Variants in GRIA4 observed in about 807,000 individuals in gnomAD.
The protein encoded by GRIA4 is glutamate ionotropic receptor AMPA type subunit 4.
GRIA4 carries 34 observed loss-of-function variants against 104.0 expected under a neutral mutation model. The observed-to-expected ratio is 0.33, with a 90% CI of 0.25 to 0.44. The LOEUF is 0.44. GRIA4 is among the 20% of genes least tolerant of loss of function. The probability of loss-of-function intolerance (pLI) is 1.00; values close to 1 mark genes in which losing one functional copy is unlikely to be tolerated. For missense variants in GRIA4, 750 were observed against 1,096.5 expected, an observed-to-expected ratio of 0.68 and a Z score of 4.46; for synonymous variants, 386 against 381.9, an observed-to-expected ratio of 1.01 and a Z score of -0.13.
intron 3 of GRIA4, among the ~76,000 whole-genome samples, chr11:105,703,831 A>C (rs182775541): frequency 6.6e-6 from 1 of 152,030 alleles, no homozygotes; most frequent in East Asian, 1.9e-4. Context: ...GTTCTTATAA[A>C]TTTTTATAGA....
At chr11:105,762,650 C>T (rs767114650) in intron 4 of GRIA4, among the ~76,000 whole-genome samples, 1 of 152,154 alleles carries the variant, frequency 6.6e-6, no homozygotes, top group Non-Finnish European at 1.5e-5. Context: ...TGGTTTGAAT[C>T]ATGGGGATGG....
intron 4 of GRIA4, among the ~76,000 whole-genome samples, chr11:105,851,434 T>C (rs1944805253): frequency 6.6e-6 from 1 of 152,206 alleles, no homozygotes. Context: ...ATAGGACTTA[T>C]TTAATAAATG....
chr11:105,819,747 G>A (rs1943510375), intron 4 of GRIA4, among the ~76,000 whole-genome samples: 1 of 151,856 alleles, frequency 6.6e-6, no homozygotes, highest in Admixed American at 6.6e-5. Flanking sequence ...GAAATAAATA[G>A]GTATTACTAT....
intron 3 of GRIA4, among the ~76,000 whole-genome samples, chr11:105,622,734 A>G (rs1478642376): frequency 6.6e-6 from 1 of 151,734 alleles, no homozygotes; most frequent in African/African-American, 2.4e-5. Context: ...ATTTTGTTAC[A>G]TGTATAGATT....
chr11:105,861,017 G>A (rs891116684), intron 4 of GRIA4, among the ~76,000 whole-genome samples: 1 of 151,436 alleles, frequency 6.6e-6, no homozygotes, highest in Admixed American at 6.6e-5. Flanking sequence ...GACAATATTG[G>A]CCTGAAGATA....
At chr11:105,793,774 T>C (rs1465643503) in intron 4 of GRIA4, among the ~76,000 whole-genome samples, 2 of 152,124 alleles carry the variant, frequency 1.3e-5, no homozygotes, top group Non-Finnish European at 1.5e-5. Context: ...ATGTCACTCT[T>C]GCCAACTGTC....
chr11:105,862,710 T>G (rs1460776312), intron 5 of GRIA4: 1 of 152,818 alleles, frequency 6.5e-6, no homozygotes, highest in African/African-American at 2.4e-5. Context: ...TTCTGCTAGG[T>G]ATTATAAGTC....
intron 6 of GRIA4, among the ~76,000 whole-genome samples, chr11:105,890,274 C>A (rs1235686690): frequency 6.6e-6 from 1 of 152,092 alleles, no homozygotes; most frequent in South Asian, 2.1e-4. Flanking sequence ...TATAGGTGTT[C>A]TTTAGATTCT....
intron 3 of GRIA4, among the ~76,000 whole-genome samples, chr11:105,669,302 T>C (rs1252396358): frequency 6.6e-6 from 1 of 152,036 alleles, no homozygotes; most frequent in African/African-American, 2.4e-5. Context: ...AGTTAAAATA[T>C]TTTTCTAATG....
chr11:105,640,918 T>G (rs543858369), intron 3 of GRIA4, among the ~76,000 whole-genome samples: 3 of 152,138 alleles, frequency 2.0e-5, no homozygotes, highest in East Asian at 3.9e-4. Context: ...TCCTTTAACG[T>G]GTAAAAATAA....
At chr11:105,949,425 T>G (rs533454345) in intron 14 of GRIA4, among the ~76,000 whole-genome samples, 2 of 152,176 alleles carry the variant, frequency 1.3e-5, no homozygotes, top group Non-Finnish European at 2.9e-5. Context: ...GCATAACAAC[T>G]ATAATCATTG....
intron 3 of GRIA4, among the ~76,000 whole-genome samples, chr11:105,626,097 T>C (rs1950879822): frequency 1.3e-5 from 2 of 152,134 alleles, no homozygotes; most frequent in African/African-American, 4.8e-5. Context: ...GGCAGTTACA[T>C]GTGGATTCTT....
At chr11:105,863,390 A>AC (rs1945296632) in intron 5 of GRIA4, among the ~76,000 whole-genome samples, 1 of 141,282 alleles carries the variant, frequency 7.1e-6, no homozygotes, top group Non-Finnish European at 1.5e-5. Flanking sequence ...AGAAAAAGCT[A>AC]AATATATATA....
chr11:105,633,602 A>T (rs1951095720), intron 3 of GRIA4, among the ~76,000 whole-genome samples: 1 of 152,200 alleles, frequency 6.6e-6, no homozygotes, highest in Admixed American at 6.5e-5. Context: ...CTTATCTTCC[A>T]TGACCATGCT....
chr11:105,841,215 G>A (rs1019915390), intron 4 of GRIA4, among the ~76,000 whole-genome samples: 3 of 151,060 alleles, frequency 2.0e-5, no homozygotes, highest in South Asian at 4.2e-4. Context: ...CGAAGATAAC[G>A]TACAGAGTGG....
intron 3 of GRIA4, among the ~76,000 whole-genome samples, chr11:105,646,694 G>T (rs969135655): frequency 1.1e-4 from 16 of 152,266 alleles, no homozygotes; most frequent in African/African-American, 3.4e-4. Context: ...AATGAGGAAA[G>T]AATTCTCCAT....
At chr11:105,829,119 A>G (rs993591036) in intron 4 of GRIA4, among the ~76,000 whole-genome samples, 1 of 152,084 alleles carries the variant, frequency 6.6e-6, no homozygotes, top group African/African-American at 2.4e-5. Context: ...ATAGACTGAT[A>G]ATCTCTAATT....
chr11:105,854,657 G>A (rs1233907794), intron 4 of GRIA4, among the ~76,000 whole-genome samples: 1 of 152,122 alleles, frequency 6.6e-6, no homozygotes, highest in Admixed American at 6.6e-5. Flanking sequence ...AAATGGCCAG[G>A]TTTTTGATAT....
chr11:105,777,703 C>G (rs1396564687), intron 4 of GRIA4, among the ~76,000 whole-genome samples: 4 of 152,124 alleles, frequency 2.6e-5, no homozygotes, highest in Non-Finnish European at 4.4e-5. Flanking sequence ...TGGAAAAGTT[C>G]AGCTTTTCCA....
Sources: allele counts gnomAD v4.1 joint callset (sites outside exome capture counted in the v4.1 genomes callset), GRCh38; gene constraint gnomAD v4.1.1; transcripts MANE v1.5; gene names NCBI Gene and HGNC (gene_info 2026-07-23, HGNC 2026-07-21).